EEIG1: variants seen among roughly 807,000 people sequenced by gnomAD.
EEIG1 encodes the protein early estrogen-induced gene 1 protein.
At chr9:127,945,376 C>G in the EEIG1 span, 2 of 1,584,724 alleles carry the variant, frequency 1.3e-6, no homozygotes, top group Non-Finnish European at 1.7e-6. This position sits in a 1 kb window ranked among gnomAD's most constrained non-coding sequence, Gnocchi z 6.5. Flanking sequence ...CCTGAAAGAG[C>G]GATCGGACAG....
the EEIG1 span, chr9:127,980,232 A>T: frequency 7.3e-7 from 1 of 1,372,662 alleles, no homozygotes; most frequent in South Asian, 1.4e-5. Flanking sequence ...TCAAAACACC[A>T]GAGCCGGATC....
chr9:127,943,939 G>A, the EEIG1 span: 1 of 153,992 alleles, frequency 6.5e-6, no homozygotes, highest in Non-Finnish European at 1.4e-5. Context: ...CCTCTTCCCT[G>A]GGGATGTGGA....
the EEIG1 span, chr9:127,953,784 C>T: frequency 1.9e-6 from 3 of 1,614,016 alleles, no homozygotes; most frequent in Non-Finnish European, 2.5e-6. Flanking sequence ...CCAGCAGCCC[C>T]ACATGCGCCC....
chr9:127,945,622 CG>C, the EEIG1 span: 1 of 1,566,518 alleles, frequency 6.4e-7, no homozygotes, highest in Non-Finnish European at 8.7e-7. The surrounding 1 kb of genome is among the most constrained non-coding windows in gnomAD (Gnocchi z 6.5). Context: ...GAGGAGGCCA[CG>C]GGGGCAGGGC....
chr9:127,956,837 C>T, the EEIG1 span, among the ~76,000 whole-genome samples: 1,700 of 152,276 alleles, frequency 0.011, 53 homozygotes, highest in East Asian at 0.085. Context: ...GCCTCAGACT[C>T]CTAAGTAGCT....
At chr9:127,961,147 C>T in the EEIG1 span, among the ~76,000 whole-genome samples, 369 of 152,322 alleles carry the variant, frequency 2.4e-3, 2 homozygotes, top group African/African-American at 8.5e-3. Context: ...GAGCTAGTCT[C>T]GACCCCAGCC....
chr9:127,958,370 A>G, the EEIG1 span, among the ~76,000 whole-genome samples: 14 of 152,338 alleles, frequency 9.2e-5, no homozygotes, highest in East Asian at 2.7e-3. Flanking sequence ...TGTCATCAAA[A>G]TTAAAAACTT....
chr9:127,948,124 T>C, the EEIG1 span: 1 of 1,613,354 alleles, frequency 6.2e-7, no homozygotes, highest in Non-Finnish European at 8.5e-7. Context: ...AGTCAGGGAG[T>C]TGGTGCTGCT....
At chr9:127,965,526 C>T in the EEIG1 span, among the ~76,000 whole-genome samples, 2 of 152,110 alleles carry the variant, frequency 1.3e-5, no homozygotes, top group African/African-American at 4.8e-5. Context: ...AGAACAGGGC[C>T]CCATCACTTA....
chr9:127,944,682 T>C, the EEIG1 span: 1 of 1,613,012 alleles, frequency 6.2e-7, no homozygotes, highest in Non-Finnish European at 8.5e-7. Context: ...CGGAGGTTGC[T>C]GTCTGTGGGG....
the EEIG1 span, among the ~76,000 whole-genome samples, chr9:127,960,393 C>T: frequency 1.3e-5 from 2 of 152,194 alleles, no homozygotes; most frequent in Non-Finnish European, 2.9e-5. Flanking sequence ...TGTGAGAAGA[C>T]TGCATCTGAT....
At chr9:127,960,136 G>C in the EEIG1 span, among the ~76,000 whole-genome samples, 3 of 152,328 alleles carry the variant, frequency 2.0e-5, no homozygotes, top group East Asian at 5.8e-4. Flanking sequence ...TGCTTCAGGT[G>C]GGGGGTTAGG....
the EEIG1 span, chr9:127,943,128 T>TGAAG: frequency 2.0e-6 from 3 of 1,516,026 alleles, no homozygotes. Context: ...AAGTTCCTCA[T>TGAAG]GGAATGATAC....
chr9:127,953,522 TC>T, the EEIG1 span: 6 of 1,565,516 alleles, frequency 3.8e-6, no homozygotes, highest in Non-Finnish European at 5.3e-6. Context: ...CTTGTGCCTG[TC>T]CCATGCCACC....
the EEIG1 span, chr9:127,953,765 T>G: frequency 6.2e-7 from 1 of 1,613,860 alleles, no homozygotes; most frequent in Non-Finnish European, 8.5e-7. Flanking sequence ...GAGGGGCCTA[T>G]AGCCCAGCCC....
At chr9:127,980,959 G>A in the EEIG1 span, among the ~76,000 whole-genome samples, 1 of 149,306 alleles carries the variant, frequency 6.7e-6, no homozygotes, top group South Asian at 2.1e-4. Flanking sequence ...TGCAGCCAGA[G>A]CCCGATGCTG....
At chr9:127,944,997 C>T in the EEIG1 span, 1 of 1,398,406 alleles carries the variant, frequency 7.2e-7, no homozygotes, top group Non-Finnish European at 9.8e-7. Flanking sequence ...CAGCGGCGCT[C>T]AGAATGTCCC....
chr9:127,945,795 A>G, the EEIG1 span: 1 of 1,352,256 alleles, frequency 7.4e-7, no homozygotes, highest in Admixed American at 2.0e-5. The surrounding 1 kb of genome is among the most constrained non-coding windows in gnomAD (Gnocchi z 6.5). Flanking sequence ...GACAGGGGTC[A>G]CCCAGTGCTG....
At chr9:127,949,736 C>T in the EEIG1 span, among the ~76,000 whole-genome samples, 7 of 152,200 alleles carry the variant, frequency 4.6e-5, no homozygotes, top group South Asian at 4.1e-4. Flanking sequence ...CTTGCAGAGG[C>T]GCTGTTAGGA....
Sources: allele counts gnomAD v4.1 joint callset (sites outside exome capture counted in the v4.1 genomes callset), GRCh38; gene constraint gnomAD v4.1.1; non-coding constraint Gnocchi (gnomAD v3.1); transcripts MANE v1.5; gene names NCBI Gene and HGNC (gene_info 2026-07-23, HGNC 2026-07-21).